The following RRAD variants were observed in gnomAD, a reference collection of about 807,000 sequenced individuals.
RRAD encodes GTP-binding protein RAD.
A neutral mutation model predicts 24.7 loss-of-function variants in RRAD; 15 were observed. That is an observed-to-expected ratio of 0.61 (90% CI 0.41 to 0.93). The LOEUF (loss-of-function observed/expected upper bound fraction) is 0.93, where lower values mean the gene tolerates loss of function less well. Ranked by LOEUF, RRAD falls within the 40% of genes least tolerant of loss-of-function variation. RRAD has a pLI of 0.00. For missense variants in RRAD, 438 were observed against 452.2 expected, an observed-to-expected ratio of 0.97 and a Z score of 0.29; for synonymous variants, 180 against 189.8, an observed-to-expected ratio of 0.95 and a Z score of 0.43.
Position 66,921,859 on chromosome 16 carries a change from C to G in RRAD, c.*217G>C, listed in dbSNP as rs142802019. 2 of 549,444 alleles carry G rather than the reference C, an allele frequency of 3.6e-6. 1 individual carries two copies. 34.0% of individuals were successfully genotyped at this position (549,444 alleles called of 1,614,324 possible). The stretch of plus-strand genomic sequence containing the variant: ...GCTGCTTGGGACGCATATGAGCCTG[C>G]GCATGCATCTCTGTGGGCCCAGCCC... On this transcript the variant is annotated 3_prime_UTR_variant, in exon 5 of 5. Coordinates refer to ENST00000299759, the MANE Select transcript of RRAD (RefSeq NM_004165.3).
chr16:66,923,642 C>T lies in RRAD; in HGVS notation c.523G>A (p.Gly175Ser), dbSNP rs369388881. 1 of 1,614,008 alleles carries T rather than the reference C, an allele frequency of 6.2e-7. No individual in the cohort carries two copies. Among genetic ancestry groups the T allele is most frequent in the Non-Finnish European group, 8.5e-7 (1 of 1,180,048 alleles). ...YVIVYSVTDK[G>S]SFEKASELRV... ...AGTTCTGAGGCCTTCTCGAAGCTGC[C>T]CTTGTCCGTCACTGAGTACACAATG... Residue 175 changes from glycine to serine, a missense_variant, in exon 4 of 5, where the codon GGC becomes AGC. Transcript: ENST00000299759. The surrounding 1 kb of genome is among the most constrained non-coding windows in gnomAD (Gnocchi z 4.9).
rs748085076 is a variant in RRAD at position 66,924,880 on chromosome 16, G to C, written c.300C>G (p.Pro100=). ...GCGCCAGGGCGCTCTTGCCCACGCC[G>C]GGCGCCCCCAGCAGCAGCACCTTGT... is the stretch of plus-strand genomic sequence containing the variant. The part of the protein sequence containing the change: ...SVYKVLLLGA[P]GVGKSALARI... Residue 100 remains proline, a synonymous_variant, in exon 2 of 5, where the codon CCC becomes CCG. Transcript: ENST00000299759. This position sits in a 1 kb window ranked among gnomAD's most constrained non-coding sequence, Gnocchi z 4.2. The C allele has an allele frequency of 8.8e-6, 14 of 1,586,542 alleles. No homozygotes were observed. The South Asian group carries it at 1.6e-4, about 18-fold the overall frequency.
In RRAD at chr16:66,924,738, T is replaced by A. The variant is rs1944153513; in HGVS notation, c.370+72A>T. The A allele has an allele frequency of 8.1e-7, 1 of 1,240,484 alleles. No individual in the cohort carries two copies. The highest frequency in any genetic ancestry group is 1.0e-6 in the Non-Finnish European group (1 of 959,726). The allele number at this position is 1,240,484 out of a possible 1,614,324, so 76.8% of individuals were successfully genotyped here. On this transcript the variant is annotated intron_variant, in intron 2 of 4. Coordinates refer to ENST00000299759, the MANE Select transcript of RRAD (RefSeq NM_004165.3). The surrounding 1 kb of genome is among the most constrained non-coding windows in gnomAD (Gnocchi z 4.2). ...ACTATAATTCCACGGTATTTGCGGC[T>A]TTGAGTACCGGTCTCAGCCCCTAGT...
chr16:66,925,150 CG>C lies in RRAD; in HGVS notation c.29del (p.Ala10GlyfsTer42). On this transcript the variant is annotated frameshift_variant, in exon 2 of 5. Transcript: ENST00000299759. LOFTEE classifies it high-confidence loss of function. The surrounding 1 kb of genome is among the most constrained non-coding windows in gnomAD (Gnocchi z 5.2). ...CCTGGCCCCCACCGCGGCTCCCGCC[CG>C]CTCCGCTGCCGCCGCCGTTCAGGGT... MTLNGGGSG[A>X]GGSRGGGQER... 8.1e-7 allele frequency: 1 copy of C among 1,228,496 alleles called. No homozygotes were observed. The highest frequency in any genetic ancestry group is 1.0e-6 in the Non-Finnish European group (1 of 986,156). 76.1% of individuals were successfully genotyped at this position (1,228,496 alleles called of 1,614,324 possible). A position where few individuals can be genotyped will look rare whatever the true frequency, so the allele number is the denominator to read the frequency against.
Position 66,922,103 on chromosome 16 carries a change from C to G in RRAD, c.900G>C (p.Lys300Asn). ...SRKMAFRAKSKSCHDLSVL is the reference protein window; with the variant it reads ...SRKMAFRAKSNSCHDLSVL ...AGAGAACCGAGAGGTCGTGGCAGGA[C>G]TTGGATTTGGCGCGAAAGGCCATCT... Residue 300 changes from lysine (K) to asparagine (N), a missense_variant, in exon 5 of 5, where the codon AAG becomes AAC. Physicochemically the swap from Lys to Asn is moderately conservative, Grantham distance 94. Coordinates refer to ENST00000299759, the MANE Select transcript of RRAD (RefSeq NM_004165.3). 6.2e-7 allele frequency: 1 copy of G among 1,611,102 alleles called. No homozygotes were observed. Among genetic ancestry groups the G allele is most frequent in the Non-Finnish European group, 8.5e-7 (1 of 1,177,370 alleles).
intron 4 of RRAD, 53 bp from the exon 5 acceptor site, chr16:66,922,406 G>A: frequency 6.5e-7 from 1 of 1,527,998 alleles, no homozygotes; most frequent in Non-Finnish European, 8.8e-7. Flanking sequence ...GGTGAATGAG[G>A]AGTCCCCTCC....
In RRAD at chr16:66,925,097, G is replaced by C; in HGVS notation, c.83C>G (p.Pro28Arg). The change falls in exon 2 of 5, where the codon CCC becomes CGC. Residue 28 changes from proline to arginine, a missense_variant. Transcript: ENST00000299759. This position sits in a 1 kb window ranked among gnomAD's most constrained non-coding sequence, Gnocchi z 5.2. ...GTGCAGCGGCGGGGCGGGGCCCCAG[G>C]GTGTGCTGCCCCGACGGCGCTCGCG... Reference protein sequence around the residue: ...QERERRRGSTPWGPAPPLHRR... With the variant: ...QERERRRGSTRWGPAPPLHRR... The C allele has an allele frequency of 8.1e-7, 1 of 1,240,454 alleles. No individual in the cohort carries two copies. Among genetic ancestry groups the C allele is most frequent in the Non-Finnish European group, 1.0e-6 (1 of 993,842 alleles). The allele number at this position is 1,240,454 out of a possible 1,614,324, so 76.8% of individuals were successfully genotyped here.
rs1962966086 is a variant in RRAD, at chr16:66,924,667, A to AAAT, written c.370+140_370+142dup. ...GGAAAAAGAGCGAAACTCTGTCTCA[A>AAAT]AATAATAATAAAATAATAATAATAA... is the stretch of plus-strand genomic sequence containing the variant. On this transcript the variant is annotated intron_variant, in intron 2 of 4. Transcript: ENST00000299759. This position sits in a 1 kb window ranked among gnomAD's most constrained non-coding sequence, Gnocchi z 4.2. 4 of 669,598 alleles carry AAAT rather than the reference A, an allele frequency of 6.0e-6. No individual in the cohort carries two copies. The highest frequency in any genetic ancestry group is 9.4e-5 in the East Asian group (2 of 21,178). The allele number at this position is 669,598 out of a possible 1,614,324, so 41.5% of individuals were successfully genotyped here.
chr16:66,923,371 GCT>G lies in RRAD; in HGVS notation c.649+143_649+144del. The G allele has an allele frequency of 1.4e-6, 1 of 704,234 alleles. No individual in the cohort carries two copies. The highest frequency in any genetic ancestry group is 2.4e-6 in the Non-Finnish European group (1 of 424,340). The allele number at this position is 704,234 out of a possible 1,614,324, so 43.6% of individuals were successfully genotyped here. On this transcript the variant is annotated intron_variant, in intron 4 of 4. Transcript: ENST00000299759. This position sits in a 1 kb window ranked among gnomAD's most constrained non-coding sequence, Gnocchi z 4.9. ...TCCGGAGCCCTGTGAGCAGGCACCA[GCT>G]CTCTCCCATTTCCCTCCCCGCCAGT...
chr16:66,923,940 C>CGTCT lies in RRAD; in HGVS notation c.371-22_371-21insAGAC. On this transcript the variant is annotated intron_variant, in intron 2 of 4. Coordinates refer to ENST00000299759, the MANE Select transcript of RRAD (RefSeq NM_004165.3). The surrounding 1 kb of genome is among the most constrained non-coding windows in gnomAD (Gnocchi z 4.9). ...GTGCCCTAGGCAGAAGGCCAGTAGA[C>CGTCT]AGGTTACCAGCTGGTTGTCAAAGCC... The CGTCT allele has an allele frequency of 6.2e-7, 1 of 1,608,042 alleles. No homozygotes were observed. The highest frequency in any genetic ancestry group is 8.5e-7 in the Non-Finnish European group (1 of 1,174,442).
Position 66,924,912 on chromosome 16 carries a change from T to C in RRAD, c.268A>G (p.Ser90Gly). 3 of 1,579,370 alleles carry C rather than the reference T, an allele frequency of 1.9e-6. No homozygotes were observed. Among genetic ancestry groups the C allele is most frequent in the Non-Finnish European group, 2.6e-6 (3 of 1,167,990 alleles). ...CCCAGCAGCAGCACCTTGTAAACGCTCTCGTCTGAGTCGCTGCCCCCTGAG... is the reference window on the plus strand; with the variant it reads ...CCCAGCAGCAGCACCTTGTAAACGCCCTCGTCTGAGTCGCTGCCCCCTGAG... ...LSSGGSDSDE[S>G]VYKVLLLGAP... The change falls in exon 2 of 5, where the codon AGC becomes GGC. Residue 90 changes from serine to glycine, a missense_variant. By Grantham distance (56) the Ser-to-Gly change is moderately conservative. Coordinates refer to ENST00000299759, the MANE Select transcript of RRAD (RefSeq NM_004165.3). This position sits in a 1 kb window ranked among gnomAD's most constrained non-coding sequence, Gnocchi z 4.2.
Position 66,925,051 on chromosome 16 carries a change from G to A in RRAD, c.129C>T (p.Asp43=). The stretch of plus-strand genomic sequence containing the variant: ...TCAGCGCCGCCTGCAGGTCGCGCTC[G>A]TCCACCGGCATGCTGCGGCGGTGCA... ...PPLHRRSMPV[D]ERDLQAALTP... The change falls in exon 2 of 5, where the codon GAC becomes GAT. Residue 43 remains aspartate (D), a synonymous_variant. Transcript: ENST00000299759. This position sits in a 1 kb window ranked among gnomAD's most constrained non-coding sequence, Gnocchi z 5.2. The A allele has an allele frequency of 7.5e-7, 1 of 1,324,748 alleles. No individual in the cohort carries two copies. Among genetic ancestry groups the A allele is most frequent in the Non-Finnish European group, 9.6e-7 (1 of 1,037,300 alleles). 82.1% of individuals were successfully genotyped at this position (1,324,748 alleles called of 1,614,324 possible). A position where few individuals can be genotyped will look rare whatever the true frequency, so the allele number is the denominator to read the frequency against.
chr16:66,924,817 C>T lies in RRAD; in HGVS notation c.363G>A (p.Glu121=), dbSNP rs985423026. ...FGGVEDGPEA[E]AAGHTYDRSI... ...ACAGCTGGGTCCCCTCACCTGCTGC[C>T]TCTGCTTCAGGCCCGTCCTCCACAC... Residue 121 remains glutamate, a synonymous_variant, in exon 2 of 5, where the codon GAG becomes GAA. Coordinates refer to ENST00000299759, the MANE Select transcript of RRAD (RefSeq NM_004165.3). This position sits in a 1 kb window ranked among gnomAD's most constrained non-coding sequence, Gnocchi z 4.2. The T allele has an allele frequency of 4.5e-6, 7 of 1,564,200 alleles. No homozygotes were observed. In the African/African-American group the frequency reaches 8.1e-5, roughly 18 times the overall value.
In RRAD at chr16:66,925,367, C is replaced by T. The variant is rs1183640514; in HGVS notation, c.-16+42G>A. ...CGGGACCCCTCCGGACCTGGCGCAT[C>T]CATCTGCAGCCGCCCCGACCCCGCT... On this transcript the variant is annotated intron_variant, in intron 1 of 4. Transcript: ENST00000299759. The surrounding 1 kb of genome is among the most constrained non-coding windows in gnomAD (Gnocchi z 5.2). 1 of 439,984 alleles carries T rather than the reference C, an allele frequency of 2.3e-6. No individual in the cohort carries two copies. Among genetic ancestry groups the T allele is most frequent in the Non-Finnish European group, 3.6e-6 (1 of 274,060 alleles). The allele number at this position is 439,984 out of a possible 1,614,324, so 27.3% of individuals were successfully genotyped here.
rs1162724503 is a variant in RRAD at position 66,922,332 on chromosome 16, A to G, written c.671T>C (p.Val224Ala). 1.0e-5 allele frequency: 16 copies of G among 1,598,640 alleles called. No homozygotes were observed. Among genetic ancestry groups the G allele is most frequent in the Non-Finnish European group, 1.4e-5 (16 of 1,170,540 alleles). Reference protein sequence around the residue: ...SVDEGRACAVVFDCKFIETSA... With the variant: ...SVDEGRACAVAFDCKFIETSA... ...TGTCTCAATGAACTTGCAGTCAAAG[A>G]CCACCGCGCAGGCCCGGCCCTCTGT... The change falls in exon 5 of 5, where the codon GTC becomes GCC. Residue 224 changes from valine to alanine, a missense_variant. Val to Ala is a moderately conservative substitution (Grantham distance 64). Coordinates refer to ENST00000299759, the MANE Select transcript of RRAD (RefSeq NM_004165.3).
At position 66,923,790 on chromosome 16, in the gene RRAD, C is replaced by T. The variant is rs1962952176; in HGVS notation, c.444+56G>A. The stretch of plus-strand genomic sequence containing the variant: ...CCGACACGAGCCTGGCACTCCCAGA[C>T]CTCTAACCCAACTCACTCCTCCCTC... On this transcript the variant is annotated intron_variant, in intron 3 of 4. Transcript: ENST00000299759. The surrounding 1 kb of genome is among the most constrained non-coding windows in gnomAD (Gnocchi z 4.9). The T allele has an allele frequency of 6.2e-7, 1 of 1,610,012 alleles. No homozygotes were observed. The highest frequency in any genetic ancestry group is 1.1e-5 in the South Asian group (1 of 91,008).
rs907798964 is a variant in RRAD at position 66,921,876 on chromosome 16, G to T, written c.*200C>A. On this transcript the variant is annotated 3_prime_UTR_variant, in exon 5 of 5. Transcript: ENST00000299759. ...TGAGCCTGCGCATGCATCTCTGTGG[G>T]CCCAGCCCTCACTGGCCCCTGAGAG... The T allele has an allele frequency of 8.7e-6, 5 of 576,922 alleles. No individual in the cohort carries two copies. In the African/African-American group the frequency reaches 9.3e-5, roughly 11 times the overall value. 35.7% of individuals were successfully genotyped at this position (576,922 alleles called of 1,614,324 possible). A position where few individuals can be genotyped will look rare whatever the true frequency, so the allele number is the denominator to read the frequency against.
At position 66,923,717 on chromosome 16, in the gene RRAD, C is replaced by G. The variant is rs779226428; in HGVS notation, c.448G>C (p.Gly150Arg). ...CAGTGGCCGGGCAACCAGCGGCCCC[C>G]GTCCTGGAGAACACACAACACACAT... is the stretch of plus-strand genomic sequence containing the variant. Reference protein sequence around the residue: ...LMVYDIWEQDGGRWLPGHCMA... With the variant: ...LMVYDIWEQDRGRWLPGHCMA... Residue 150 changes from glycine to arginine, a missense_variant, in exon 4 of 5, where the codon GGG (glycine) becomes CGG (arginine). Coordinates refer to ENST00000299759, the MANE Select transcript of RRAD (RefSeq NM_004165.3). The surrounding 1 kb of genome is among the most constrained non-coding windows in gnomAD (Gnocchi z 4.9). 3 of 1,614,092 alleles carry G rather than the reference C, an allele frequency of 1.9e-6. No individual in the cohort carries two copies. The highest frequency in any genetic ancestry group is 2.5e-6 in the Non-Finnish European group (3 of 1,180,014).
rs773841986 is a variant in RRAD at position 66,923,766 on chromosome 16, C to T, written c.445-46G>A. ...ATCTGCCCAACAGTCCTCATGCCCC[C>T]GACACGAGCCTGGCACTCCCAGACC... is the stretch of plus-strand genomic sequence containing the variant. On this transcript the variant is annotated intron_variant, in intron 3 of 4. Transcript: ENST00000299759. This position sits in a 1 kb window ranked among gnomAD's most constrained non-coding sequence, Gnocchi z 4.9. 3.9e-5 allele frequency: 63 copies of T among 1,611,550 alleles called. No individual in the cohort carries two copies. Among genetic ancestry groups the T allele is most frequent in the South Asian group, 1.6e-4 (15 of 90,998 alleles).
Sources: gnomAD v4.1 joint callset for allele counts on GRCh38, gnomAD v4.1.1 for gene constraint, Gnocchi (gnomAD v3.1) non-coding constraint, MANE v1.5 for transcripts, NCBI Gene and HGNC (gene_info 2026-07-23, HGNC 2026-07-21) for gene names.